Variants in DCAF12 observed in about 807,000 individuals in gnomAD.
DCAF12 encodes the protein DDB1- and CUL4-associated factor 12.
In DCAF12, 28 loss-of-function variants were observed where a neutral mutation model predicts 52.8. That is an observed-to-expected ratio of 0.53 (90% CI 0.39 to 0.73). The LOEUF (loss-of-function observed/expected upper bound fraction) is 0.73, where lower values mean the gene tolerates loss of function less well. Ranked by LOEUF, DCAF12 falls within the 30% of genes least tolerant of loss-of-function variation. DCAF12 has a pLI of 0.00. For synonymous variants in DCAF12, 196 were observed against 215.5 expected (o/e 0.91, Z 0.79); for missense variants, 425 against 552.2 (o/e 0.77, Z 2.31).
intron 2 of DCAF12, among the ~76,000 whole-genome samples, chr9:34,119,653 G>T (rs1221991408): frequency 6.6e-6 from 1 of 150,872 alleles, no homozygotes; most frequent in African/African-American, 2.4e-5. Flanking sequence ...AGGCAAAAGG[G>T]TATAACATTT....
chr9:34,097,939 G>GAAA (rs74326483), intron 5 of DCAF12, among the ~76,000 whole-genome samples: 1 of 98,092 alleles, frequency 1.0e-5, no homozygotes, highest in East Asian at 2.9e-4. Context: ...GTCTCAAAAA[G>GAAA]AAAAAAAAAA....
intron 7 of DCAF12, among the ~76,000 whole-genome samples, chr9:34,092,274 A>C (rs1828656875): frequency 1.3e-5 from 2 of 152,248 alleles, no homozygotes; most frequent in African/African-American, 2.4e-5. Context: ...CATACTCATT[A>C]CCCTGAGGTT....
chr9:34,126,142 T>C (rs1829246649), intron 1 of DCAF12, among the ~76,000 whole-genome samples: 1 of 152,222 alleles, frequency 6.6e-6, no homozygotes, highest in African/African-American at 2.4e-5. Flanking sequence ...TTATGTCCCA[T>C]TCCTGAGTTC....
chr9:34,104,783 G>A (rs1001079168), intron 4 of DCAF12, among the ~76,000 whole-genome samples: 5 of 151,826 alleles, frequency 3.3e-5, no homozygotes, highest in Non-Finnish European at 7.4e-5. Context: ...CAGGCGTGGT[G>A]GTGGGCACCT....
At chr9:34,090,225 A>C (rs866014356) in intron 7 of DCAF12, among the ~76,000 whole-genome samples, 1 of 152,038 alleles carries the variant, frequency 6.6e-6, no homozygotes, top group African/African-American at 2.4e-5. Flanking sequence ...CATCACACTC[A>C]GCTAATTCTT....
rs541970462 is a variant in DCAF12 at position 34,102,548 on chromosome 9, G to A, written c.601+3886C>T. 3.9e-5 allele frequency among the ~76,000 whole-genome samples: 6 copies of A among 152,120 alleles called. No homozygotes were observed. In the East Asian group the frequency reaches 5.8e-4, roughly 15 times the overall value. ...TGTGCCTGTAATCCCAGATACTTAG[G>A]AGGCTGAGGCAGGAGAATTGCTTGA... On this transcript the variant is annotated intron_variant, in intron 4 of 8. Coordinates refer to ENST00000361264, the MANE Select transcript of DCAF12 (RefSeq NM_015397.4).
chr9:34,105,939 AG>A (rs1352877316), intron 4 of DCAF12, among the ~76,000 whole-genome samples: 1 of 151,942 alleles, frequency 6.6e-6, no homozygotes, highest in Non-Finnish European at 1.5e-5. Context: ...TAGTAGAGAC[AG>A]GGTTTCACCA....
intron 2 of DCAF12, among the ~76,000 whole-genome samples, chr9:34,123,185 T>G (rs1045566318): frequency 6.6e-6 from 1 of 152,198 alleles, no homozygotes; most frequent in African/African-American, 2.4e-5. Flanking sequence ...AGGGACATTC[T>G]ACATCAAAAC....
intron 6 of DCAF12, among the ~76,000 whole-genome samples, chr9:34,094,747 G>A (rs1329601805): frequency 1.3e-5 from 2 of 151,786 alleles, no homozygotes; most frequent in African/African-American, 4.8e-5. Flanking sequence ...AGCCAGGATG[G>A]TCTCAATCTC....
At chr9:34,091,271 G>A (rs549830854) in intron 7 of DCAF12, among the ~76,000 whole-genome samples, 1 of 151,920 alleles carries the variant, frequency 6.6e-6, no homozygotes, top group Non-Finnish European at 1.5e-5. Context: ...AGGGTGCAGT[G>A]AGCTGAGATC....
At chr9:34,113,663 C>G (rs1829040946) in intron 2 of DCAF12, among the ~76,000 whole-genome samples, 1 of 151,858 alleles carries the variant, frequency 6.6e-6, no homozygotes, top group Non-Finnish European at 1.5e-5. Flanking sequence ...AAAAACAATA[C>G]AAAACACTAC....
intron 2 of DCAF12, among the ~76,000 whole-genome samples, chr9:34,110,767 G>C (rs963342392): frequency 5.4e-5 from 8 of 148,816 alleles, no homozygotes; most frequent in African/African-American, 1.5e-4. Context: ...CTGGGTGACA[G>C]AGCAAGACCC....
At position 34,093,457 on chromosome 9, in the gene DCAF12, A is replaced by G. The variant is rs917656903; in HGVS notation, c.862-9T>C. Reference sequence around the variant, plus strand: ...AGTTTGGTGGAGAGGAGCTGAAAATAGAGGAGAGATATAACCATGGCATCA... The same window carrying G: ...AGTTTGGTGGAGAGGAGCTGAAAATGGAGGAGAGATATAACCATGGCATCA... On this transcript the variant is annotated splice_polypyrimidine_tract_variant and intron_variant, in intron 6 of 8. Transcript: ENST00000361264. 1 of 1,613,918 alleles carries G rather than the reference A, an allele frequency of 6.2e-7. No homozygotes were observed. Among genetic ancestry groups the G allele is most frequent in the African/African-American group, 1.3e-5 (1 of 75,052 alleles).
In DCAF12 at chr9:34,126,424, C is replaced by T. The variant is rs1314060422; in HGVS notation, c.8G>A (p.Arg3Gln). The T allele has an allele frequency of 3.9e-5, 63 of 1,607,608 alleles. No homozygotes were observed. Among genetic ancestry groups the T allele is most frequent in the Non-Finnish European group, 5.0e-5 (59 of 1,179,640 alleles). ...TTTCCGCTTCCTGCTAACTACTTTC[C>T]GGGCCATAGTGGGCAGCGCCGCCGC... MA[R>Q]KVVSRKRKAP... The change falls in exon 1 of 9, where the codon CGG becomes CAG. Residue 3 changes from arginine (R) to glutamine (Q), a missense_variant. By Grantham distance (43) the Arg-to-Gln change is conservative. This residue lies in a region of DCAF12 where 89 missense variants were observed against 84.9 expected (regional missense o/e 1.05). Coordinates refer to ENST00000361264, the MANE Select transcript of DCAF12 (RefSeq NM_015397.4).
intron 4 of DCAF12, among the ~76,000 whole-genome samples, chr9:34,101,032 A>G (rs1343649760): frequency 2.0e-5 from 3 of 148,746 alleles, no homozygotes; most frequent in East Asian, 4.0e-4. Context: ...TGGGCTTTCC[A>G]TGAACCCACA....
chr9:34,088,448 A>G lies in DCAF12; in HGVS notation c.1264T>C (p.Tyr422His). The G allele has an allele frequency of 1.9e-6, 3 of 1,614,220 alleles. No homozygotes were observed. Among genetic ancestry groups the G allele is most frequent in the Non-Finnish European group, 2.5e-6 (3 of 1,180,040 alleles). The change falls in exon 9 of 9, where the codon TAC (tyrosine) becomes CAC (histidine). Residue 422 changes from tyrosine to histidine, a missense_variant. By Grantham distance (83) the Tyr-to-His change is moderately conservative. Transcript: ENST00000361264. ...SDIDFFPNAV[Y>H]THCYDSSGTK... ...CCAGACGAGTCGTAGCAGTGGGTGTAAACAGCATTGGGGAAGAAGTCAATG... is the reference window on the plus strand; with the variant it reads ...CCAGACGAGTCGTAGCAGTGGGTGTGAACAGCATTGGGGAAGAAGTCAATG...
At chr9:34,097,116 CTAATT>C (rs1472898242) in intron 5 of DCAF12, among the ~76,000 whole-genome samples, 1 of 151,974 alleles carries the variant, frequency 6.6e-6, no homozygotes, top group Non-Finnish European at 1.5e-5. Flanking sequence ...AGTGAAGACT[CTAATT>C]TAGGAGAGAT....
chr9:34,101,368 C>T (rs116273425), intron 4 of DCAF12, among the ~76,000 whole-genome samples: 12 of 152,026 alleles, frequency 7.9e-5, no homozygotes, highest in East Asian at 1.9e-4. Flanking sequence ...CCACTGTGCC[C>T]GGCCATAATT....
intron 2 of DCAF12, among the ~76,000 whole-genome samples, chr9:34,120,044 A>C (rs114689532): frequency 4.6e-5 from 7 of 151,202 alleles, no homozygotes; most frequent in African/African-American, 1.7e-4. Flanking sequence ...TCTACTAAAA[A>C]ACAAAAAAAT....
Sources: allele counts gnomAD v4.1 joint callset (sites outside exome capture counted in the v4.1 genomes callset), GRCh38; gene constraint gnomAD v4.1.1; regional missense constraint gnomAD v4.1.1; transcripts MANE v1.5; gene names NCBI Gene and HGNC (gene_info 2026-07-23, HGNC 2026-07-21).